The following SLC7A14 variants were observed in gnomAD, a reference collection of about 807,000 sequenced individuals.
SLC7A14 encodes solute carrier family 7 member 14.
SLC7A14 carries 37 observed loss-of-function variants against 60.2 expected under a neutral mutation model. The ratio of observed to expected loss-of-function variants is 0.61; its 90% CI spans 0.47 to 0.81. The LOEUF (loss-of-function observed/expected upper bound fraction) is 0.81, where lower values mean the gene tolerates loss of function less well. SLC7A14 is among the 30% of genes least tolerant of loss of function. The probability of loss-of-function intolerance (pLI) is 0.00; values close to 1 mark genes in which losing one functional copy is unlikely to be tolerated. For missense variants in SLC7A14, 886 were observed against 982.7 expected, an observed-to-expected ratio of 0.90 and a Z score of 1.32; for synonymous variants, 399 against 395.8, an observed-to-expected ratio of 1.01 and a Z score of -0.10.
chr3:170,561,442 G>C (rs1361685308), intron 1 of SLC7A14, among the ~76,000 whole-genome samples: 2 of 152,174 alleles, frequency 1.3e-5, no homozygotes, highest in Non-Finnish European at 2.9e-5. Flanking sequence ...TGGATTAGAA[G>C]CCACAAGTCC....
chr3:170,471,398 C>G (rs757766612), intron 7 of SLC7A14, among the ~76,000 whole-genome samples: 5 of 152,112 alleles, frequency 3.3e-5, no homozygotes, highest in Non-Finnish European at 7.4e-5. Flanking sequence ...CCTCCCCTGA[C>G]CCCTTCTCTA....
intron 2 of SLC7A14, among the ~76,000 whole-genome samples, chr3:170,510,458 C>A (rs1405503788): frequency 6.6e-6 from 1 of 151,670 alleles, no homozygotes; most frequent in African/African-American, 2.4e-5. Context: ...ACTCTCTTCT[C>A]TAGATCTCCC....
chr3:170,553,788 G>A (rs1428969404), intron 1 of SLC7A14, among the ~76,000 whole-genome samples: 2 of 152,002 alleles, frequency 1.3e-5, no homozygotes, highest in African/African-American at 2.4e-5. Context: ...TGGAACTAGA[G>A]TCAACCATAA....
intron 4 of SLC7A14, among the ~76,000 whole-genome samples, chr3:170,491,684 G>T (rs1319608361): frequency 6.6e-6 from 1 of 152,164 alleles, no homozygotes; most frequent in Non-Finnish European, 1.5e-5. Flanking sequence ...AGAAGTAGCG[G>T]CCTTGTGGAG....
chr3:170,583,768 C>T (rs1488357542), intron 1 of SLC7A14, among the ~76,000 whole-genome samples: 1 of 152,214 alleles, frequency 6.6e-6, no homozygotes, highest in Non-Finnish European at 1.5e-5. Context: ...TAACTTGTTT[C>T]CATAATATTG....
At chr3:170,518,184 G>A (rs1713229619) in intron 2 of SLC7A14, among the ~76,000 whole-genome samples, 1 of 152,090 alleles carries the variant, frequency 6.6e-6, no homozygotes, top group Admixed American at 6.6e-5. Context: ...ATGGGAAGGA[G>A]GTGCTACATG....
intron 2 of SLC7A14, among the ~76,000 whole-genome samples, chr3:170,521,704 C>T (rs545907398): frequency 6.6e-6 from 1 of 152,150 alleles, no homozygotes; most frequent in Non-Finnish European, 1.5e-5. Flanking sequence ...AGGCAGATCA[C>T]GAGGTCAGGA....
chr3:170,562,504 G>T (rs186528540), intron 1 of SLC7A14, among the ~76,000 whole-genome samples: 2 of 152,178 alleles, frequency 1.3e-5, no homozygotes, highest in Non-Finnish European at 2.9e-5. Context: ...GGGTGGGAAG[G>T]GGGTGAGGGA....
In SLC7A14 at chr3:170,532,422, A is replaced by G. The variant is rs905036397; in HGVS notation, c.-152-5334T>C. On this transcript the variant is annotated intron_variant, in intron 1 of 7. Coordinates refer to ENST00000231706, the MANE Select transcript of SLC7A14 (RefSeq NM_020949.3). The surrounding 1 kb of genome is among the most constrained non-coding windows in gnomAD (Gnocchi z 4.0). ...GCTCCTGGCTCTGGGTTAAGAACAC[A>G]ATTCAGGAACCAGGTGCCCTGCATG... 6.6e-6 allele frequency among the ~76,000 whole-genome samples: 1 copy of G among 152,288 alleles called. No individual in the cohort carries two copies. Among genetic ancestry groups the G allele is most frequent in the African/African-American group, 2.4e-5 (1 of 41,554 alleles).
intron 7 of SLC7A14, among the ~76,000 whole-genome samples, chr3:170,478,404 T>A (rs13434085): frequency 0.81 from 123,911 of 152,106 alleles, 50,635 homozygotes; most frequent in Middle Eastern, 0.89. Context: ...GTTATAAAAA[T>A]TGGTTAAAAT....
chr3:170,547,563 A>G (rs1309003249), intron 1 of SLC7A14, among the ~76,000 whole-genome samples: 1 of 152,196 alleles, frequency 6.6e-6, no homozygotes, highest in Admixed American at 6.5e-5. Flanking sequence ...TATATTTTCT[A>G]TTCAGTGAAA....
At chr3:170,562,291 C>A (rs1714675437) in intron 1 of SLC7A14, among the ~76,000 whole-genome samples, 1 of 152,146 alleles carries the variant, frequency 6.6e-6, no homozygotes, top group African/African-American at 2.4e-5. Flanking sequence ...TATCTACACA[C>A]AATGGAATAC....
intron 1 of SLC7A14, among the ~76,000 whole-genome samples, chr3:170,571,384 T>C (rs1320323923): frequency 6.6e-6 from 1 of 152,236 alleles, no homozygotes; most frequent in African/African-American, 2.4e-5. Context: ...CACAGGAGCC[T>C]TGAGGATCTA....
intron 7 of SLC7A14, among the ~76,000 whole-genome samples, chr3:170,476,600 G>C (rs1358134320): frequency 2.0e-5 from 3 of 152,220 alleles, no homozygotes; most frequent in Non-Finnish European, 4.4e-5. Context: ...TTCACATCGT[G>C]CTTTGGCATA....
intron 6 of SLC7A14, among the ~76,000 whole-genome samples, chr3:170,482,049 AG>A (rs1711846366): frequency 6.6e-6 from 1 of 152,190 alleles, no homozygotes; most frequent in African/African-American, 2.4e-5. Context: ...CTATAACAAA[AG>A]TTCATGGGTT....
At position 170,516,014 on chromosome 3, in the gene SLC7A14, G is replaced by C. The variant is rs1408551131; in HGVS notation, c.304+10619C>G. Among the ~76,000 whole-genome samples, 4 of 152,290 alleles carry C rather than the reference G, an allele frequency of 2.6e-5. No individual in the cohort carries two copies. The South Asian group carries it at 6.2e-4, about 24-fold the overall frequency. ...AGTCCCTCCTACAGCCATGCTAGGT[G>C]CTCATGGCATGCACTGTCCACACTA... On this transcript the variant is annotated intron_variant, in intron 2 of 7. Coordinates refer to ENST00000231706, the MANE Select transcript of SLC7A14 (RefSeq NM_020949.3).
intron 4 of SLC7A14, among the ~76,000 whole-genome samples, chr3:170,489,839 T>C (rs988233176): frequency 9.9e-5 from 15 of 151,848 alleles, no homozygotes; most frequent in African/African-American, 3.6e-4. Context: ...AAATCAGGCA[T>C]GGAAAGACAA....
chr3:170,501,975 T>G (rs1268208345), intron 2 of SLC7A14, among the ~76,000 whole-genome samples: 1 of 152,252 alleles, frequency 6.6e-6, no homozygotes, highest in Non-Finnish European at 1.5e-5. Flanking sequence ...CATATGCCCC[T>G]GCCCTTAAGG....
intron 4 of SLC7A14, chr3:170,495,962 C>G: frequency 7.7e-7 from 1 of 1,303,626 alleles, no homozygotes; most frequent in South Asian, 1.2e-5. Context: ...ACTTCAAGAA[C>G]AAGTATGAGG....
Sources: gnomAD v4.1 joint callset for allele counts (sites outside exome capture counted in the v4.1 genomes callset) on GRCh38, gnomAD v4.1.1 for gene constraint, Gnocchi (gnomAD v3.1) non-coding constraint, MANE v1.5 for transcripts, NCBI Gene and HGNC (gene_info 2026-07-23, HGNC 2026-07-21) for gene names.